Variants in RNF149 observed in about 807,000 individuals in gnomAD.
RNF149 encodes the protein E3 ubiquitin-protein ligase RNF149.
A neutral mutation model predicts 39.0 loss-of-function variants in RNF149; 21 were observed. The ratio of observed to expected loss-of-function variants is 0.54; its 90% CI spans 0.38 to 0.77. The LOEUF is 0.77. RNF149 is among the 30% of genes least tolerant of loss of function. The pLI is 0.00. For missense variants in RNF149, 493 were observed against 534.9 expected (o/e 0.92, Z 0.77); for synonymous variants, 209 against 213.6 (o/e 0.98, Z 0.19).
downstream of RNF149, chr2:101,272,858 A>C: frequency 2.1e-6 from 2 of 958,744 alleles, no homozygotes; most frequent in Non-Finnish European, 3.0e-6. Context: ...CTGAAGGTCT[A>C]TTATTATTTT....
chr2:101,276,858 T>A lies in RNF149; in HGVS notation c.*380A>T. The A allele has an allele frequency of 1.0e-6, 1 of 1,004,852 alleles. No individual in the cohort carries two copies. The highest frequency in any genetic ancestry group is 1.2e-6 in the Non-Finnish European group (1 of 840,192). 62.2% of individuals were successfully genotyped at this position (1,004,852 alleles called of 1,614,324 possible). The stretch of plus-strand genomic sequence containing the variant: ...TTGAATTATACAATTCCACTTCAAC[T>A]AGTCTAACATTGATGTGCTTTGCCA... On this transcript the variant is annotated 3_prime_UTR_variant, in exon 7 of 7. Coordinates refer to ENST00000295317, the MANE Select transcript of RNF149 (RefSeq NM_173647.4).
chr2:101,294,675 T>C, intron 2 of RNF149: 2 of 373,796 alleles, frequency 5.4e-6, no homozygotes, highest in Non-Finnish European at 9.7e-6. Context: ...CCTTTGGGTC[T>C]GGCAAGGGAC....
intron 6 of RNF149, among the ~76,000 whole-genome samples, chr2:101,279,309 A>G (rs540278307): frequency 4.6e-5 from 7 of 152,268 alleles, no homozygotes; most frequent in East Asian, 3.9e-4. Flanking sequence ...ATTTCTACCC[A>G]TGATTTCAAA....
At chr2:101,298,667 C>CA (rs930773605) in intron 1 of RNF149, among the ~76,000 whole-genome samples, 4 of 151,838 alleles carry the variant, frequency 2.6e-5, no homozygotes, top group Non-Finnish European at 5.9e-5. Flanking sequence ...AAAAAAACCC[C>CA]AAAAAACAAA....
In RNF149 at chr2:101,294,073, T is replaced by C; in HGVS notation, c.721A>G (p.Lys241Glu). 6.4e-7 allele frequency: 1 copy of C among 1,555,588 alleles called. No homozygotes were observed. Among genetic ancestry groups the C allele is most frequent in the Non-Finnish European group, 8.9e-7 (1 of 1,128,322 alleles). ...TGGCCAATAACTTTCTTAGTTTCTT[T>C]TCTATGGCTCTTGGGTAGGAAAATA... ...GSQIGSQSHR[K>E]ETKKVIGQLL... Residue 241 changes from lysine (K) to glutamate (E), a missense_variant, in exon 3 of 7, where the codon AAA becomes GAA. Lys to Glu is a moderately conservative substitution (Grantham distance 56). Coordinates refer to ENST00000295317, the MANE Select transcript of RNF149 (RefSeq NM_173647.4).
At chr2:101,295,325 GTT>G (rs1164458034) in intron 1 of RNF149, 144 bp from the exon 2 acceptor site, 1 of 703,372 alleles carries the variant, frequency 1.4e-6, no homozygotes, top group East Asian at 2.7e-5. Context: ...ACCAAACCTG[GTT>G]CCAAAAGAAA....
Position 101,276,259 on chromosome 2 carries a change from T to C in RNF149, c.*979A>G. The C allele has an allele frequency of 1.0e-6, 1 of 985,462 alleles. No homozygotes were observed. The highest frequency in any genetic ancestry group is 1.2e-6 in the Non-Finnish European group (1 of 829,926). 61.0% of individuals were successfully genotyped at this position (985,462 alleles called of 1,614,324 possible). On this transcript the variant is annotated 3_prime_UTR_variant, in exon 7 of 7. Transcript: ENST00000295317. ...GTGTGTTTAATCACTTTTTAACACT[T>C]AGCAGTCTCCAAAAGCTTTGCATTA...
At chr2:101,274,259 A>T (rs1682248401), downstream of RNF149, among the ~76,000 whole-genome samples, 1 of 152,110 alleles carries the variant, frequency 6.6e-6, no homozygotes, top group Non-Finnish European at 1.5e-5. Context: ...GGCAGATAAA[A>T]AACTGGGAAA....
At chr2:101,301,098 G>C (rs1021386960) in intron 1 of RNF149, among the ~76,000 whole-genome samples, 15 of 152,052 alleles carry the variant, frequency 9.9e-5, no homozygotes, top group Non-Finnish European at 1.5e-5. Context: ...GCCCTTAGAG[G>C]TTATCTCTTC....
Position 101,277,135 on chromosome 2 carries a change from A to G in RNF149, c.*103T>C. 1 of 1,498,210 alleles carries G rather than the reference A, an allele frequency of 6.7e-7. No individual in the cohort carries two copies. Among genetic ancestry groups the G allele is most frequent in the Non-Finnish European group, 9.0e-7 (1 of 1,107,324 alleles). 92.8% of individuals were successfully genotyped at this position (1,498,210 alleles called of 1,614,324 possible). On this transcript the variant is annotated 3_prime_UTR_variant, in exon 7 of 7. Transcript: ENST00000295317. ...CAGAATCTAATAGGTAAAATAATAT[A>G]CATTATTTTCAAATATACAAATTAT...
chr2:101,272,878 G>A, downstream of RNF149: 2 of 1,161,772 alleles, frequency 1.7e-6, no homozygotes, highest in Non-Finnish European at 2.4e-6. Flanking sequence ...TTAAATTTCA[G>A]TTCTCTTTGG....
In RNF149 at chr2:101,285,051, T is replaced by C. The variant is rs72986725; in HGVS notation, c.960+1030A>G. On this transcript the variant is annotated intron_variant, in intron 5 of 6. Transcript: ENST00000295317. ...ATGGGACTACAGGAGCGTGCCATCA[T>C]ATCCGGCTAATTTTTTTTGTATTTT... Among the ~76,000 whole-genome samples, 1,384 of 152,142 alleles carry C rather than the reference T, an allele frequency of 9.1e-3. 21 individuals carry two copies. Among genetic ancestry groups the C allele is most frequent in the African/African-American group, 0.032 (1,311 of 41,510 alleles).
chr2:101,288,937 T>C, intron 4 of RNF149, 36 bp downstream of exon 4: 1 of 1,075,604 alleles, frequency 9.3e-7, no homozygotes, highest in Non-Finnish European at 1.4e-6. Flanking sequence ...ACTTGTCAAG[T>C]AATTTTTAAC....
chr2:101,290,746 T>A (rs1682975890), intron 3 of RNF149, among the ~76,000 whole-genome samples: 1 of 152,170 alleles, frequency 6.6e-6, no homozygotes, highest in Non-Finnish European at 1.5e-5. Flanking sequence ...AACTACTTAA[T>A]AAAGGTACAA....
At chr2:101,274,389 G>A (rs565317154), downstream of RNF149, among the ~76,000 whole-genome samples, 3 of 152,334 alleles carry the variant, frequency 2.0e-5, no homozygotes, top group South Asian at 6.2e-4. Context: ...GCTGTATGGC[G>A]TGTGAAGTCA....
rs1282484987 is a variant in RNF149 at position 101,308,691 on chromosome 2, G to A, written c.-103C>T. 4 of 1,134,046 alleles carry A rather than the reference G, an allele frequency of 3.5e-6. No individual in the cohort carries two copies. The highest frequency in any genetic ancestry group is 4.7e-6 in the Non-Finnish European group (4 of 842,864). 70.2% of individuals were successfully genotyped at this position (1,134,046 alleles called of 1,614,324 possible). On this transcript the variant is annotated 5_prime_UTR_variant, in exon 1 of 7. Coordinates refer to ENST00000295317, the MANE Select transcript of RNF149 (RefSeq NM_173647.4). ...ACACCCACCGCCGCCCTGGAAGACT[G>A]AGGCGGGGTCGGGGCCGCTGCGCAC...
At chr2:101,275,463 A>G (rs796834592), downstream of RNF149, among the ~76,000 whole-genome samples, 191 of 32,866 alleles carry the variant, frequency 5.8e-3, no homozygotes, top group Middle Eastern at 0.022. Context: ...TTTTTTTGAG[A>G]CGGAGTCTCG....
In RNF149 at chr2:101,275,868, G is replaced by A. The variant is rs1262349214; in HGVS notation, c.*1370C>T. The A allele has an allele frequency of 5.1e-6, 5 of 984,818 alleles. No homozygotes were observed. The highest frequency in any genetic ancestry group is 6.0e-6 in the Non-Finnish European group (5 of 829,538). The allele number at this position is 984,818 out of a possible 1,614,324, so 61.0% of individuals were successfully genotyped here. A position where few individuals can be genotyped will look rare whatever the true frequency, so the allele number is the denominator to read the frequency against. ...TAATGGCTGTTATGGAAACCTACTTGAGGTTGTCTGCTAAAACCAACTCAG... is the reference window on the plus strand; with the variant it reads ...TAATGGCTGTTATGGAAACCTACTTAAGGTTGTCTGCTAAAACCAACTCAG... On this transcript the variant is annotated 3_prime_UTR_variant, in exon 7 of 7. Transcript: ENST00000295317.
chr2:101,275,355 G>A (rs1169310691), downstream of RNF149, among the ~76,000 whole-genome samples: 1 of 147,312 alleles, frequency 6.8e-6, no homozygotes, highest in African/African-American at 2.5e-5. Context: ...CTGATCTTGT[G>A]ATCTGCCTGC....
Sources: allele counts gnomAD v4.1 joint callset (sites outside exome capture counted in the v4.1 genomes callset), GRCh38; gene constraint gnomAD v4.1.1; transcripts MANE v1.5; gene names NCBI Gene and HGNC (gene_info 2026-07-23, HGNC 2026-07-21).